The following LIPH variants were observed in gnomAD, a reference collection of about 807,000 sequenced individuals.
The protein encoded by LIPH is lipase member H.
A neutral mutation model predicts 47.6 loss-of-function variants in LIPH; 32 were observed. That is an observed-to-expected ratio of 0.67 (90% confidence interval 0.51 to 0.90). The LOEUF is 0.90. Ranked by LOEUF, LIPH falls within the 40% of genes least tolerant of loss-of-function variation. LIPH has a pLI of 0.00. For missense variants in LIPH, 497 were observed against 541.4 expected, an observed-to-expected ratio of 0.92 and a Z score of 0.81; for synonymous variants, 190 against 195.6, an observed-to-expected ratio of 0.97 and a Z score of 0.24.
rs574052680 is a variant in LIPH at position 185,526,143 on chromosome 3, C to A, written c.628+1341G>T. The stretch of plus-strand genomic sequence containing the variant: ...CCTGTAATCCCAGCACTTTGGGAGG[C>A]TGAAGTGGGAGGATCGATTGATCAG... On this transcript the variant is annotated intron_variant, in intron 4 of 9. Transcript: ENST00000296252. Among the ~76,000 whole-genome samples the A allele has an allele frequency of 2.6e-5, 4 of 152,190 alleles. No individual in the cohort carries two copies. In the East Asian group the frequency reaches 7.7e-4, roughly 29 times the overall value.
At chr3:185,534,681 A>T (rs1439940713) in intron 2 of LIPH, 84 bp downstream of exon 2, 1 of 1,417,940 alleles carries the variant, frequency 7.1e-7, no homozygotes, top group Non-Finnish European at 9.9e-7. Flanking sequence ...CCTCCTGCTC[A>T]CTGTAGCTAT....
intron 3 of LIPH, among the ~76,000 whole-genome samples, chr3:185,529,541 AG>A (rs1720244144): frequency 6.6e-6 from 1 of 150,606 alleles, no homozygotes; most frequent in African/African-American, 2.4e-5. Flanking sequence ...GTTTCCCAAA[AG>A]GCCGGGATTA....
intron 1 of LIPH, among the ~76,000 whole-genome samples, chr3:185,536,482 C>T (rs1720505584): frequency 6.6e-6 from 1 of 152,118 alleles, no homozygotes; most frequent in African/African-American, 2.4e-5. Flanking sequence ...CTCAATGAAT[C>T]TTCATTTGCA....
chr3:185,520,568 C>T (rs1360378221), intron 5 of LIPH, among the ~76,000 whole-genome samples: 1 of 151,964 alleles, frequency 6.6e-6, no homozygotes, highest in Non-Finnish European at 1.5e-5. Flanking sequence ...AATTCCTCTT[C>T]ATTCTGCCTT....
intron 3 of LIPH, among the ~76,000 whole-genome samples, chr3:185,532,704 C>A (rs917786869): frequency 1.4e-4 from 21 of 152,168 alleles, no homozygotes; most frequent in African/African-American, 5.1e-4. Context: ...GCAGGAGAAT[C>A]GCTTGAACCC....
chr3:185,511,267 C>T lies in LIPH; in HGVS notation c.1268+257G>A, dbSNP rs577246093. Among the ~76,000 whole-genome samples the T allele has an allele frequency of 8.6e-5, 13 of 151,164 alleles. No homozygotes were observed. The South Asian group carries it at 1.3e-3, about 15-fold the overall frequency. On this transcript the variant is annotated intron_variant, in intron 9 of 9. Transcript: ENST00000296252. ...TTTTTGTAGAGACAGGGTCTCCATA[C>T]GTTGCCCAGGCTGGCTAGAACTCCT...
At chr3:185,531,290 T>TTACAG (rs1720322803) in intron 3 of LIPH, among the ~76,000 whole-genome samples, 1 of 152,264 alleles carries the variant, frequency 6.6e-6, no homozygotes, top group South Asian at 2.1e-4. Context: ...CTCATGTCTG[T>TTACAG]AATCCCAGCA....
chr3:185,548,644 T>G (rs1720956875), intron 1 of LIPH, among the ~76,000 whole-genome samples: 1 of 151,766 alleles, frequency 6.6e-6, no homozygotes, highest in Non-Finnish European at 1.5e-5. Flanking sequence ...GGAGAATCAC[T>G]TGAACCTGGG....
intron 4 of LIPH, among the ~76,000 whole-genome samples, chr3:185,524,782 A>C (rs776158279): frequency 2.6e-5 from 4 of 152,090 alleles, no homozygotes; most frequent in Non-Finnish European, 5.9e-5. Context: ...GCAACCCTTT[A>C]ATTGCCTGGT....
chr3:185,517,195 A>G, intron 6 of LIPH, 33 bp from the exon 7 acceptor site: 1 of 1,136,620 alleles, frequency 8.8e-7, no homozygotes, highest in Admixed American at 1.7e-5. Context: ...TGTAAGATTA[A>G]TATGTATTAT....
chr3:185,514,586 T>C lies in LIPH; in HGVS notation c.983-65A>G, dbSNP rs1215300088. The C allele has an allele frequency of 3.8e-6, 3 of 782,752 alleles. No individual in the cohort carries two copies. The African/African-American group carries it at 5.1e-5, about 13-fold the overall frequency. The allele number at this position is 782,752 out of a possible 1,614,324, so 48.5% of individuals were successfully genotyped here. A position where few individuals can be genotyped will look rare whatever the true frequency, so the allele number is the denominator to read the frequency against. ...ACCAACTGATCCCCTGAAGGGCTGG[T>C]TCCTAAAAACTGAACCTCCCTAATC... is the stretch of plus-strand genomic sequence containing the variant. On this transcript the variant is annotated intron_variant, in intron 7 of 9. Coordinates refer to ENST00000296252, the MANE Select transcript of LIPH (RefSeq NM_139248.3).
In LIPH at chr3:185,511,513, C is replaced by T; in HGVS notation, c.1268+11G>A. 6.2e-7 allele frequency: 1 copy of T among 1,613,976 alleles called. No homozygotes were observed. The highest frequency in any genetic ancestry group is 8.5e-7 in the Non-Finnish European group (1 of 1,179,868). ...AAAACAGCGTTTTGTCAAACCGTAC[C>T]CTCAGCTCACCTCTCCGGATGGGCA... On this transcript the variant is annotated intron_variant, in intron 9 of 9. Coordinates refer to ENST00000296252, the MANE Select transcript of LIPH (RefSeq NM_139248.3).
chr3:185,523,725 A>G (rs1417828079), intron 5 of LIPH, among the ~76,000 whole-genome samples: 1 of 143,624 alleles, frequency 7.0e-6, no homozygotes, highest in Non-Finnish European at 1.5e-5. Context: ...CCTTTTTTTT[A>G]ATTTTTATTT....
At chr3:185,545,886 T>A (rs76133745) in intron 1 of LIPH, among the ~76,000 whole-genome samples, 1 of 151,904 alleles carries the variant, frequency 6.6e-6, no homozygotes, top group African/African-American at 2.4e-5. Flanking sequence ...CCAGGCACAG[T>A]GGCTTACGCC....
chr3:185,529,966 GAAAGAAAGAAAGA>G, intron 3 of LIPH, among the ~76,000 whole-genome samples: 1 of 42,128 alleles, frequency 2.4e-5, no homozygotes, highest in African/African-American at 6.5e-5. Flanking sequence ...AAGAAAGAAG[GAAAGAAAGAAAGA>G]GAGAGAGAGA....
At chr3:185,542,473 C>T (rs942046222) in intron 1 of LIPH, among the ~76,000 whole-genome samples, 2 of 152,152 alleles carry the variant, frequency 1.3e-5, no homozygotes, top group African/African-American at 4.8e-5. Flanking sequence ...GCTGCCACCA[C>T]GTTCTGCTAA....
At chr3:185,548,875 C>T (rs1031129624) in intron 1 of LIPH, among the ~76,000 whole-genome samples, 3 of 149,756 alleles carry the variant, frequency 2.0e-5, no homozygotes, top group African/African-American at 7.4e-5. Flanking sequence ...GGCTCACACC[C>T]GTAATCACAG....
Position 185,524,101 on chromosome 3 carries a change from GATCCA to G in LIPH, c.683_687del (p.Leu228SerfsTer16). 1 of 1,613,586 alleles carries G rather than the reference GATCCA, an allele frequency of 6.2e-7. No homozygotes were observed. The highest frequency in any genetic ancestry group is 8.5e-7 in the Non-Finnish European group (1 of 1,179,516). On this transcript the variant is annotated frameshift_variant, in exon 5 of 10. Coordinates refer to ENST00000296252, the MANE Select transcript of LIPH (RefSeq NM_139248.3). ...AATATTGTTTTGGGGCAGCCAGGTT[GATCCA>G]ATCCTCCATTTGGGTAGAAGTCTAT...
intron 1 of LIPH, among the ~76,000 whole-genome samples, chr3:185,549,088 A>G (rs1030610270): frequency 2.4e-4 from 37 of 151,296 alleles, no homozygotes; most frequent in African/African-American, 8.7e-4. Flanking sequence ...CCGAGATCGC[A>G]CCACTGCAGT....
Sources: gnomAD v4.1 joint callset for allele counts (sites outside exome capture counted in the v4.1 genomes callset) on GRCh38, gnomAD v4.1.1 for gene constraint, MANE v1.5 for transcripts, NCBI Gene and HGNC (gene_info 2026-07-23, HGNC 2026-07-21) for gene names.